ADGRG5: variants seen among roughly 807,000 people sequenced by gnomAD.
ADGRG5 encodes G protein-coupled receptor 114.
Under a neutral mutation model 53.2 loss-of-function variants are expected in ADGRG5, and 37 were observed. The observed-to-expected ratio is 0.70, with a 90% CI of 0.53 to 0.91. ADGRG5 has a LOEUF of 0.91. ADGRG5 is among the 40% of genes least tolerant of loss of function. ADGRG5 has a pLI of 0.00. For missense variants in ADGRG5, 614 were observed against 675.8 expected, an observed-to-expected ratio of 0.91 and a Z score of 1.01; for synonymous variants, 277 against 290.4, an observed-to-expected ratio of 0.95 and a Z score of 0.47.
intron 1 of ADGRG5, among the ~76,000 whole-genome samples, chr16:57,546,417 C>T (rs1413957174): frequency 1.3e-5 from 2 of 152,224 alleles, no homozygotes; most frequent in African/African-American, 4.8e-5. Flanking sequence ...TGAGCTACCA[C>T]GCCCCGCCAT....
At chr16:57,534,282 T>C in the ADGRG5 span, among the ~76,000 whole-genome samples, 1 of 152,136 alleles carries the variant, frequency 6.6e-6, no homozygotes, top group African/African-American at 2.4e-5. Flanking sequence ...ACTTAGAGCT[T>C]CCATCAGGGC....
At chr16:57,545,621 T>A (rs977158513) in intron 1 of ADGRG5, among the ~76,000 whole-genome samples, 3 of 152,254 alleles carry the variant, frequency 2.0e-5, no homozygotes, top group African/African-American at 7.2e-5. Flanking sequence ...GCTTTTTCAC[T>A]TGAAAATACG....
chr16:57,539,006 G>C (rs2032449769), upstream of ADGRG5, among the ~76,000 whole-genome samples: 1 of 152,176 alleles, frequency 6.6e-6, no homozygotes, highest in South Asian at 2.1e-4. Context: ...TTGTTAAGAA[G>C]GGGCATCATT....
chr16:57,559,142 G>A (rs1235557723), intron 1 of ADGRG5, among the ~76,000 whole-genome samples: 6 of 152,024 alleles, frequency 3.9e-5, no homozygotes, highest in African/African-American at 1.4e-4. Flanking sequence ...GAGCCAAGGC[G>A]CCCAGCACTG....
chr16:57,535,637 C>G, the ADGRG5 span, among the ~76,000 whole-genome samples: 1 of 151,644 alleles, frequency 6.6e-6, no homozygotes, highest in Admixed American at 6.6e-5. Flanking sequence ...ACCCCGACCC[C>G]AGCCCCACCC....
At position 57,562,364 on chromosome 16, in the gene ADGRG5, G is replaced by C. The variant is rs1419795047; in HGVS notation, c.65-20G>C. On this transcript the variant is annotated intron_variant, in intron 2 of 11. Coordinates refer to ENST00000349457, the MANE Select transcript of ADGRG5 (RefSeq NM_001304376.3). ...GAGGGCAGTTGAGACACAAACTGAG[G>C]GGGAGGTGTGTCCCCACAGAGACAT... 3 of 1,594,180 alleles carry C rather than the reference G, an allele frequency of 1.9e-6. No homozygotes were observed. The African/African-American group carries it at 4.0e-5, about 21-fold the overall frequency.
Position 57,574,072 on chromosome 16 carries a change from CT to C in ADGRG5, c.1209-739del, listed in dbSNP as rs1476570983. 6.6e-6 allele frequency among the ~76,000 whole-genome samples: 1 copy of C among 152,138 alleles called. No individual in the cohort carries two copies. Among genetic ancestry groups the C allele is most frequent in the African/African-American group, 2.4e-5 (1 of 41,418 alleles). ...CCTTACATTTCCCTGTCTCTAAACC[CT>C]TTTCTCCTGCCTCAGCATGACATTG... On this transcript the variant is annotated intron_variant, in intron 10 of 11. Transcript: ENST00000349457. This position sits in a 1 kb window ranked among gnomAD's most constrained non-coding sequence, Gnocchi z 4.4.
chr16:57,538,240 G>T (rs559544206), upstream of ADGRG5, among the ~76,000 whole-genome samples: 5 of 152,232 alleles, frequency 3.3e-5, no homozygotes, highest in East Asian at 1.9e-4. Flanking sequence ...TTGGCAGCTC[G>T]CATGATGTTA....
intron 1 of ADGRG5, among the ~76,000 whole-genome samples, chr16:57,555,973 C>G (rs1167954920): frequency 6.6e-6 from 1 of 152,050 alleles, no homozygotes; most frequent in Admixed American, 6.6e-5. Flanking sequence ...TCTCTCTCTC[C>G]CCTGCTGCCA....
intron 1 of ADGRG5, among the ~76,000 whole-genome samples, chr16:57,545,587 A>G (rs1567612261): frequency 1.3e-5 from 2 of 152,162 alleles, no homozygotes; most frequent in South Asian, 2.1e-4. Flanking sequence ...TAAGTTGCAT[A>G]CTCTACAAAC....
At position 57,568,066 on chromosome 16, in the gene ADGRG5, G is replaced by A. The variant is rs1294761165; in HGVS notation, c.1032G>A (p.Gly344=). Residue 344 remains glycine, a synonymous_variant, in exon 9 of 12, where the codon GGG becomes GGA. Transcript: ENST00000349457. ...GCTTCAACCTCTACCTCCTCCTCGG[G>A]CGTGTCTACAACATCTACATCCGCA... is the stretch of plus-strand genomic sequence containing the variant. ...IEGFNLYLLL[G]RVYNIYIRRY... The A allele has an allele frequency of 8.1e-6, 13 of 1,613,830 alleles. No individual in the cohort carries two copies. The highest frequency in any genetic ancestry group is 1.1e-5 in the Non-Finnish European group (13 of 1,179,940).
the ADGRG5 span, among the ~76,000 whole-genome samples, chr16:57,535,359 A>G: frequency 1.3e-5 from 2 of 152,090 alleles, no homozygotes; most frequent in African/African-American, 4.8e-5. Context: ...AGCCACAGAG[A>G]CAGCCTGGAT....
intron 1 of ADGRG5, among the ~76,000 whole-genome samples, chr16:57,543,442 C>A (rs1221465372): frequency 1.3e-5 from 2 of 152,072 alleles, no homozygotes. Flanking sequence ...GCCAGCATGC[C>A]TGGCTAATTT....
intron 5 of ADGRG5, 45 bp downstream of exon 5, chr16:57,564,024 T>A (rs1567620168): frequency 6.3e-7 from 1 of 1,588,392 alleles, no homozygotes. Context: ...CGGCCCCTTC[T>A]TGGGATCCAC....
chr16:57,550,229 C>T (rs1026911767), intron 1 of ADGRG5, among the ~76,000 whole-genome samples: 2 of 152,218 alleles, frequency 1.3e-5, no homozygotes, highest in African/African-American at 2.4e-5. Context: ...CCACCCGCCT[C>T]GGCCTCCCAA....
chr16:57,540,689 G>A (rs544951828), upstream of ADGRG5, among the ~76,000 whole-genome samples: 42 of 152,336 alleles, frequency 2.8e-4, no homozygotes, highest in South Asian at 6.2e-4. Flanking sequence ...GACCGAGCAG[G>A]GAGGTGGGTA....
rs372687646 is a variant in ADGRG5, at chr16:57,574,798, G to A, written c.1209-17G>A. On this transcript the variant is annotated splice_polypyrimidine_tract_variant and intron_variant, in intron 10 of 11. Coordinates refer to ENST00000349457, the MANE Select transcript of ADGRG5 (RefSeq NM_001304376.3). This position sits in a 1 kb window ranked among gnomAD's most constrained non-coding sequence, Gnocchi z 4.4. ...CTGGGAGCCACTGTGAGCCTGACACGTCACCCTCCCCTGCAGATGCTGGGT... is the reference window on the plus strand; with the variant it reads ...CTGGGAGCCACTGTGAGCCTGACACATCACCCTCCCCTGCAGATGCTGGGT... 2.0e-5 allele frequency: 31 copies of A among 1,548,560 alleles called. No individual in the cohort carries two copies. In the African/African-American group the frequency reaches 2.3e-4, roughly 12 times the overall value.
chr16:57,555,636 T>C (rs2032866265), intron 1 of ADGRG5, among the ~76,000 whole-genome samples: 3 of 152,352 alleles, frequency 2.0e-5, no homozygotes, highest in Middle Eastern at 3.4e-3. Flanking sequence ...AACTCTGTTA[T>C]TAGGTGCACA....
At position 57,576,799 on chromosome 16, in the gene ADGRG5, A is replaced by G. The variant is rs2033529277; in HGVS notation, c.*1261A>G. ...GGGCTGCACCCCAGACATAGCTGGC[A>G]CCAGAGCAGGGTGCTCAGGTGGTGG... On this transcript the variant is annotated 3_prime_UTR_variant, in exon 12 of 12. Coordinates refer to ENST00000349457, the MANE Select transcript of ADGRG5 (RefSeq NM_001304376.3). 6.6e-6 allele frequency: 1 copy of G among 152,226 alleles called. No homozygotes were observed. Among genetic ancestry groups the G allele is most frequent in the Non-Finnish European group, 1.5e-5 (1 of 68,056 alleles). The allele number at this position is 152,226 out of a possible 1,614,324, so 9.4% of individuals were successfully genotyped here.
Sources: allele counts gnomAD v4.1 joint callset (sites outside exome capture counted in the v4.1 genomes callset), GRCh38; gene constraint gnomAD v4.1.1; non-coding constraint Gnocchi (gnomAD v3.1); transcripts MANE v1.5; gene names NCBI Gene and HGNC (gene_info 2026-07-23, HGNC 2026-07-21).